Variants in SHB observed in about 807,000 individuals in gnomAD.
The protein encoded by SHB is SH2 domain containing adaptor protein B.
SHB carries 20 observed loss-of-function variants against 52.3 expected under a neutral mutation model. That is an observed-to-expected ratio of 0.38 (90% CI 0.27 to 0.56). SHB has a LOEUF of 0.56. SHB is among the 20% of genes least tolerant of loss of function. The probability of loss-of-function intolerance (pLI) is 0.71; values close to 1 mark genes in which losing one functional copy is unlikely to be tolerated. For missense variants in SHB, 825 were observed against 723.3 expected (o/e 1.14, Z -1.61); for synonymous variants, 397 against 316.5 (o/e 1.25, Z -2.70).
At position 37,974,646 on chromosome 9, in the gene SHB, G is replaced by C; in HGVS notation, c.1030C>G (p.Arg344Gly). The C allele has an allele frequency of 1.2e-6, 2 of 1,613,148 alleles. No individual in the cohort carries two copies. The highest frequency in any genetic ancestry group is 8.5e-7 in the Non-Finnish European group (1 of 1,179,834). The change falls in exon 3 of 6, where the codon CGG (arginine) becomes GGG (glycine). Residue 344 changes from arginine to glycine, a missense_variant. Coordinates refer to ENST00000377707, the MANE Select transcript of SHB (RefSeq NM_003028.3). ...CCTGCCAGGGCTGGGATGGTGACCC[G>C]GTTCCACTCCCAAGGCTGGTCGTAC... Reference protein sequence around the residue: ...DEYDQPWEWNRVTIPALAAQF... With the variant: ...DEYDQPWEWNGVTIPALAAQF...
chr9:37,958,958 G>C (rs986982713), intron 3 of SHB, among the ~76,000 whole-genome samples: 1 of 152,206 alleles, frequency 6.6e-6, no homozygotes, highest in African/African-American at 2.4e-5. Flanking sequence ...GGAGAGCACT[G>C]GGGCTAGACA....
At chr9:37,971,706 G>GT (rs1820592052) in intron 3 of SHB, among the ~76,000 whole-genome samples, 1 of 152,180 alleles carries the variant, frequency 6.6e-6, no homozygotes, top group Non-Finnish European at 1.5e-5. Context: ...CAGACTGACC[G>GT]TGACACCTGT....
chr9:37,984,346 G>C (rs1034156224), intron 2 of SHB, among the ~76,000 whole-genome samples: 3 of 152,142 alleles, frequency 2.0e-5, no homozygotes, highest in Non-Finnish European at 4.4e-5. Context: ...CACAACTCCC[G>C]AGGCCAGTGC....
intron 5 of SHB, among the ~76,000 whole-genome samples, chr9:37,932,147 T>C (rs1424443484): frequency 6.6e-6 from 1 of 151,310 alleles, no homozygotes; most frequent in African/African-American, 2.4e-5. Flanking sequence ...CCAGGCATGG[T>C]GGCGGGTGCC....
chr9:38,024,044 C>G (rs182613721), intron 1 of SHB, among the ~76,000 whole-genome samples: 1 of 152,224 alleles, frequency 6.6e-6, no homozygotes, highest in Non-Finnish European at 1.5e-5. Flanking sequence ...GGAAATCAGA[C>G]GGTGGGGAGG....
At chr9:37,925,540 C>T (rs1208203930) in intron 5 of SHB, among the ~76,000 whole-genome samples, 1 of 152,186 alleles carries the variant, frequency 6.6e-6, no homozygotes, top group African/African-American at 2.4e-5. Context: ...GCCCAGTGTC[C>T]CCTGCCCAGG....
intron 2 of SHB, among the ~76,000 whole-genome samples, chr9:37,998,556 A>G (rs1820977051): frequency 6.6e-6 from 1 of 152,216 alleles, no homozygotes; most frequent in African/African-American, 2.4e-5. Context: ...GGGCTCAAGC[A>G]ATCCTCCTGC....
At chr9:38,014,768 A>G (rs1821189200) in intron 2 of SHB, among the ~76,000 whole-genome samples, 1 of 152,028 alleles carries the variant, frequency 6.6e-6, no homozygotes, top group Non-Finnish European at 1.5e-5. Context: ...GAGGAGCAGG[A>G]GGCAGAGAAC....
chr9:38,067,600 C>T (rs1164085516), intron 1 of SHB, among the ~76,000 whole-genome samples: 1 of 152,146 alleles, frequency 6.6e-6, no homozygotes, highest in East Asian at 1.9e-4. Flanking sequence ...CAAAGCTCTT[C>T]GAAGTCCTAG....
intron 2 of SHB, among the ~76,000 whole-genome samples, chr9:38,006,396 C>T (rs1161192849): frequency 1.3e-5 from 2 of 152,188 alleles, no homozygotes; most frequent in African/African-American, 4.8e-5. Context: ...ACACCCTGCC[C>T]AGCACGCAGG....
intron 4 of SHB, among the ~76,000 whole-genome samples, chr9:37,949,018 G>T (rs970754626): frequency 6.6e-6 from 1 of 152,236 alleles, no homozygotes; most frequent in African/African-American, 2.4e-5. Flanking sequence ...ACAGAGCACA[G>T]TGTGAGGACA....
At chr9:38,015,910 T>C (rs1821203748) in intron 2 of SHB, 101 bp downstream of exon 2, 3 of 1,157,920 alleles carry the variant, frequency 2.6e-6, no homozygotes, top group Non-Finnish European at 3.8e-6. Context: ...GCACACACCA[T>C]GCCCCCAGTG....
intron 2 of SHB, among the ~76,000 whole-genome samples, chr9:37,997,772 A>T (rs1820967283): frequency 6.6e-6 from 1 of 152,090 alleles, no homozygotes; most frequent in Non-Finnish European, 1.5e-5. Context: ...AGGCCGAGGC[A>T]CTCTGCTCCA....
chr9:37,971,662 T>A (rs1205692216), intron 3 of SHB, among the ~76,000 whole-genome samples: 1 of 152,016 alleles, frequency 6.6e-6, no homozygotes, highest in African/African-American at 2.4e-5. Context: ...TGGATGTGAT[T>A]CTCTGTCTAT....
At chr9:38,052,460 T>C (rs1033668260) in intron 1 of SHB, among the ~76,000 whole-genome samples, 1 of 152,228 alleles carries the variant, frequency 6.6e-6, no homozygotes, top group African/African-American at 2.4e-5. Context: ...CAGAGGACGT[T>C]TCGGCTATTG....
At chr9:38,008,446 G>A (rs1018301192) in intron 2 of SHB, among the ~76,000 whole-genome samples, 4 of 152,214 alleles carry the variant, frequency 2.6e-5, no homozygotes, top group South Asian at 2.1e-4. Flanking sequence ...CTTCCTGTCC[G>A]GTAGGTAAGT....
At chr9:37,979,175 T>A (rs985759624) in intron 2 of SHB, among the ~76,000 whole-genome samples, 1 of 152,130 alleles carries the variant, frequency 6.6e-6, no homozygotes, top group African/African-American at 2.4e-5. Flanking sequence ...TCACAAGTTA[T>A]CTGAACATCA....
intron 5 of SHB, among the ~76,000 whole-genome samples, chr9:37,942,492 G>C (rs112786388): frequency 2.0e-5 from 3 of 152,330 alleles, no homozygotes; most frequent in African/African-American, 4.8e-5. Context: ...TAGTGCAGCA[G>C]GGACAGCCTG....
intron 2 of SHB, among the ~76,000 whole-genome samples, chr9:37,994,686 T>G (rs576684541): frequency 8.5e-5 from 13 of 152,354 alleles, no homozygotes; most frequent in African/African-American, 3.1e-4. Flanking sequence ...ATGCAGATGT[T>G]ACATATGAGG....
Sources: allele counts gnomAD v4.1 joint callset (sites outside exome capture counted in the v4.1 genomes callset), GRCh38; gene constraint gnomAD v4.1.1; transcripts MANE v1.5; gene names NCBI Gene and HGNC (gene_info 2026-07-23, HGNC 2026-07-21).